CACHD1: variants seen among roughly 807,000 people sequenced by gnomAD.
CACHD1 encodes the protein cache domain containing 1, also known as VWFA and cache domain-containing protein 1.
In CACHD1, 71 loss-of-function variants were observed where a neutral mutation model predicts 138.7. The ratio of observed to expected loss-of-function variants is 0.51; its 90% CI spans 0.42 to 0.62. The LOEUF (loss-of-function observed/expected upper bound fraction) is 0.62, where lower values mean the gene tolerates loss of function less well. CACHD1 is among the 20% of genes least tolerant of loss of function. The pLI, the probability that CACHD1 is intolerant of heterozygous loss-of-function variation, is 0.00. For missense variants in CACHD1, 1,389 were observed against 1,625.3 expected (o/e 0.85, Z 2.50); for synonymous variants, 578 against 591.5 (o/e 0.98, Z 0.33).
At chr1:64,482,982 G>T (rs1361363526) in intron 1 of CACHD1, among the ~76,000 whole-genome samples, 9 of 152,154 alleles carry the variant, frequency 5.9e-5, no homozygotes, top group Admixed American at 4.6e-4. Context: ...ACATTGCCCA[G>T]CAGCCCTTAA....
intron 5 of CACHD1, 128 bp from the exon 6 acceptor site, chr1:64,632,471 A>G: frequency 2.2e-6 from 2 of 909,690 alleles, no homozygotes; most frequent in Non-Finnish European, 3.4e-6. Context: ...GGATTTCTCC[A>G]TCCTTGTGCC....
At chr1:64,619,643 C>G (rs182636665) in intron 4 of CACHD1, among the ~76,000 whole-genome samples, 1 of 152,304 alleles carries the variant, frequency 6.6e-6, no homozygotes, top group African/African-American at 2.4e-5. Flanking sequence ...ACCTCTCTCT[C>G]AGGTACCCTC....
intron 2 of CACHD1, among the ~76,000 whole-genome samples, chr1:64,563,021 C>T (rs1266162572): frequency 1.3e-5 from 2 of 152,096 alleles, no homozygotes; most frequent in Non-Finnish European, 2.9e-5. Flanking sequence ...AGGCAATTAA[C>T]TTGACTGGAA....
chr1:64,481,643 T>C (rs1286044947), intron 1 of CACHD1, among the ~76,000 whole-genome samples: 6 of 152,170 alleles, frequency 3.9e-5, no homozygotes, highest in African/African-American at 1.2e-4. Context: ...GGAGGAATTA[T>C]TAGCAGGAGA....
Position 64,647,949 on chromosome 1 carries a change from A to T in CACHD1, c.1305A>T (p.Thr435=). ...ATCAGTTGAGCAACCTGGAGACCAC[A>T]GTGGGCAGGTTCTACACAAACCTTC... ...VLNQLSNLET[T]VGRFYTNLPN... is the part of the protein sequence containing the mutation. The change falls in exon 9 of 27, where the codon ACA becomes ACT. Residue 435 remains threonine (T), a synonymous_variant. Coordinates refer to ENST00000651257, the MANE Select transcript of CACHD1 (RefSeq NM_020925.4). The T allele has an allele frequency of 2.5e-6, 4 of 1,614,114 alleles. No individual in the cohort carries two copies. The highest frequency in any genetic ancestry group is 3.4e-6 in the Non-Finnish European group (4 of 1,180,008).
intron 3 of CACHD1, among the ~76,000 whole-genome samples, chr1:64,593,199 G>A (rs193164186): frequency 4.6e-5 from 7 of 152,232 alleles, no homozygotes; most frequent in Admixed American, 1.3e-4. Context: ...ATATTTTTAC[G>A]CCTGTAACTA....
chr1:64,580,801 A>G (rs1222693052), intron 2 of CACHD1, among the ~76,000 whole-genome samples: 1 of 152,136 alleles, frequency 6.6e-6, no homozygotes, highest in Non-Finnish European at 1.5e-5. Context: ...ATTCTCCACC[A>G]AGTTGTGACA....
At chr1:64,513,908 A>G (rs949496268) in intron 1 of CACHD1, among the ~76,000 whole-genome samples, 1 of 152,220 alleles carries the variant, frequency 6.6e-6, no homozygotes, top group African/African-American at 2.4e-5. Context: ...CATTAGCTCA[A>G]TTTAAAACAA....
Position 64,477,614 on chromosome 1 carries a change from TATTATTATTA to T in CACHD1, c.198+6673_198+6682del, listed in dbSNP as rs1557455016. Among the ~76,000 whole-genome samples, 8 of 143,256 alleles carry T rather than the reference TATTATTATTA, an allele frequency of 5.6e-5. 1 individual carries two copies. The highest frequency in any genetic ancestry group is 5.4e-5 in the African/African-American group (2 of 37,150). 94.0% of individuals were successfully genotyped at this position (143,256 alleles called of 152,430 possible). ...TTATTATTATTATTATTATTATTATTATTATTATTATTTTATTTTATTTTTTTTTTTGAGA... is the reference window on the plus strand; with the variant it reads ...TTATTATTATTATTATTATTATTATTTTTTATTTTATTTTTTTTTTTGAGA... On this transcript the variant is annotated intron_variant, in intron 1 of 26. Coordinates refer to ENST00000651257, the MANE Select transcript of CACHD1 (RefSeq NM_020925.4).
At chr1:64,634,940 A>G (rs1469991603) in intron 7 of CACHD1, among the ~76,000 whole-genome samples, 4 of 148,986 alleles carry the variant, frequency 2.7e-5, no homozygotes, top group East Asian at 4.0e-4. Flanking sequence ...AGGTTGCAGT[A>G]AGCCAAGATC....
chr1:64,578,514 T>C (rs1026723739), intron 2 of CACHD1, among the ~76,000 whole-genome samples: 9 of 152,218 alleles, frequency 5.9e-5, no homozygotes, highest in Non-Finnish European at 1.3e-4. Flanking sequence ...ACCCAAAACT[T>C]AGTGGCATAA....
chr1:64,482,870 C>T (rs904465524), intron 1 of CACHD1, among the ~76,000 whole-genome samples: 3 of 152,184 alleles, frequency 2.0e-5, no homozygotes, highest in African/African-American at 7.2e-5. Flanking sequence ...AGAGCATGAG[C>T]TCTTGCAGGA....
chr1:64,524,378 T>G (rs979234477), intron 1 of CACHD1, among the ~76,000 whole-genome samples: 1 of 152,218 alleles, frequency 6.6e-6, no homozygotes, highest in African/African-American at 2.4e-5. Context: ...AGTGAGCCCA[T>G]TGTAGTGTGT....
chr1:64,577,027 G>A (rs538610250), intron 2 of CACHD1, among the ~76,000 whole-genome samples: 7 of 152,022 alleles, frequency 4.6e-5, no homozygotes, highest in South Asian at 2.1e-4. Context: ...CACTGCAGCC[G>A]CAACATCCTG....
intron 19 of CACHD1, among the ~76,000 whole-genome samples, chr1:64,674,972 A>T (rs1649937954): frequency 6.6e-6 from 1 of 152,246 alleles, no homozygotes; most frequent in Non-Finnish European, 1.5e-5. Context: ...AAAAAGGTTC[A>T]TCACCCAAAG....
At chr1:64,599,692 C>T (rs1444389159) in intron 3 of CACHD1, among the ~76,000 whole-genome samples, 4 of 152,112 alleles carry the variant, frequency 2.6e-5, no homozygotes, top group Non-Finnish European at 5.9e-5. Context: ...AAATGTTTTT[C>T]TTTAATGCTG....
At chr1:64,691,213 T>C (rs1650541899) in intron 26 of CACHD1, 110 bp from the exon 27 acceptor site, 1 of 895,848 alleles carries the variant, frequency 1.1e-6, no homozygotes. Flanking sequence ...TGTTTGCACC[T>C]ATGTATTGCA....
intron 6 of CACHD1, 27 bp from the exon 7 acceptor site, chr1:64,634,017 G>GTT: frequency 1.3e-5 from 16 of 1,214,802 alleles, no homozygotes; most frequent in Admixed American, 7.8e-5. Flanking sequence ...CAAGTTTGGT[G>GTT]GTTTTTTTTT....
intron 7 of CACHD1, among the ~76,000 whole-genome samples, chr1:64,635,865 C>A (rs6588098): frequency 0.99 from 150,427 of 151,888 alleles, 74,512 homozygotes; most frequent in East Asian, 1. Flanking sequence ...TAATCCCAGC[C>A]CTTTGGGAGG....
Sources: gnomAD v4.1 joint callset for allele counts (sites outside exome capture counted in the v4.1 genomes callset) on GRCh38, gnomAD v4.1.1 for gene constraint, MANE v1.5 for transcripts, NCBI Gene and HGNC (gene_info 2026-07-23, HGNC 2026-07-21) for gene names.